CFAP57: variants seen among roughly 807,000 people sequenced by gnomAD.
The protein encoded by CFAP57 is cilia and flagella associated protein 57.
Under a neutral mutation model 146.8 loss-of-function variants are expected in CFAP57, and 116 were observed. The observed-to-expected ratio is 0.79, with a 90% CI of 0.68 to 0.92. CFAP57 has a LOEUF of 0.92. CFAP57 is among the 40% of genes least tolerant of loss of function. The pLI is 0.00. For synonymous variants in CFAP57, 518 were observed against 552.8 expected (o/e 0.94, Z 0.88); for missense variants, 1,377 against 1,527.2 (o/e 0.90, Z 1.64).
chr1:43,175,599 C>G (rs765405172), intron 2 of CFAP57, among the ~76,000 whole-genome samples: 3 of 152,042 alleles, frequency 2.0e-5, no homozygotes, highest in Non-Finnish European at 4.4e-5. Context: ...CAGTCTCAAA[C>G]TCCTGGGCTC....
intron 9 of CFAP57, among the ~76,000 whole-genome samples, chr1:43,203,710 T>C (rs4430376): frequency 1 from 151,947 of 152,298 alleles, 75,799 homozygotes; most frequent in Middle Eastern, 1. Context: ...CCACCTGCCT[T>C]GGCCTCCCAA....
chr1:43,181,384 C>T, intron 2 of CFAP57, 150 bp from the exon 3 acceptor site: 1 of 949,174 alleles, frequency 1.1e-6, no homozygotes, highest in Non-Finnish European at 1.6e-6. Context: ...TAGTCATTTT[C>T]ATAATACCCA....
chr1:43,234,690 G>A, intron 21 of CFAP57, 52 bp downstream of exon 21: 4 of 1,516,598 alleles, frequency 2.6e-6, no homozygotes, highest in African/African-American at 1.4e-5. Context: ...TCCAAGATGA[G>A]AGATCCCATC....
chr1:43,243,703 T>C (rs1404419677), intron 22 of CFAP57, among the ~76,000 whole-genome samples: 1 of 152,224 alleles, frequency 6.6e-6, no homozygotes, highest in African/African-American at 2.4e-5. Context: ...TGTAGTGACA[T>C]ATGAATATTC....
intron 6 of CFAP57, among the ~76,000 whole-genome samples, chr1:43,188,999 T>A (rs1643331117): frequency 6.6e-6 from 1 of 152,232 alleles, no homozygotes; most frequent in Non-Finnish European, 1.5e-5. Context: ...CAGCATCATT[T>A]GTTGAAAAGG....
At chr1:43,236,617 A>AAAAAG (rs1645707138) in intron 21 of CFAP57, among the ~76,000 whole-genome samples, 1 of 148,418 alleles carries the variant, frequency 6.7e-6, no homozygotes, top group East Asian at 2.0e-4. Flanking sequence ...AAAAAAAAAA[A>AAAAAG]GGCAATTTCC....
At chr1:43,207,021 G>A in intron 10 of CFAP57, 89 bp downstream of exon 10, 3 of 1,350,428 alleles carry the variant, frequency 2.2e-6, no homozygotes, top group Admixed American at 3.5e-5. Context: ...TGCACGGAAT[G>A]AGGGCCTCTG....
At chr1:43,225,317 T>C (rs1570232258) in intron 17 of CFAP57, among the ~76,000 whole-genome samples, 2 of 152,310 alleles carry the variant, frequency 1.3e-5, no homozygotes, top group Non-Finnish European at 2.9e-5. Context: ...GCACGCTCTT[T>C]CTGTAAAGAC....
chr1:43,212,904 C>CT (rs1644675802), intron 11 of CFAP57, among the ~76,000 whole-genome samples: 1 of 137,762 alleles, frequency 7.3e-6, no homozygotes, highest in South Asian at 2.3e-4. Flanking sequence ...CCACTGCACT[C>CT]TTAGCCTGGG....
chr1:43,212,381 T>C (rs1342716802), intron 11 of CFAP57, among the ~76,000 whole-genome samples: 1 of 152,216 alleles, frequency 6.6e-6, no homozygotes, highest in African/African-American at 2.4e-5. Flanking sequence ...TATGGAATTA[T>C]ACTGTATGTG....
chr1:43,191,964 T>A (rs1415224522), intron 6 of CFAP57, among the ~76,000 whole-genome samples: 2 of 152,264 alleles, frequency 1.3e-5, no homozygotes, highest in East Asian at 3.9e-4. Context: ...TCAAATATTT[T>A]GGAATTTCTC....
intron 19 of CFAP57, among the ~76,000 whole-genome samples, chr1:43,233,336 A>G (rs1645549714): frequency 6.6e-6 from 1 of 152,210 alleles, no homozygotes; most frequent in African/African-American, 2.4e-5. Context: ...TAAAAATACA[A>G]AAATTAGCCA....
At position 43,234,261 on chromosome 1, in the gene CFAP57, A is replaced by G; in HGVS notation, c.3127-18A>G. 1.3e-6 allele frequency: 2 copies of G among 1,538,436 alleles called. No homozygotes were observed. Among genetic ancestry groups the G allele is most frequent in the South Asian group, 2.4e-5 (2 of 82,644 alleles). Reference sequence around the variant, plus strand: ...GAGAGCACCCTACAGCACCAGAAGGAAACGTCTCTGATTGCAGGAGCGAGA... The same window carrying G: ...GAGAGCACCCTACAGCACCAGAAGGGAACGTCTCTGATTGCAGGAGCGAGA... On this transcript the variant is annotated intron_variant, in intron 19 of 22. Coordinates refer to ENST00000372492, the MANE Select transcript of CFAP57 (RefSeq NM_001378189.1).
At chr1:43,195,367 C>A (rs940914673) in intron 6 of CFAP57, among the ~76,000 whole-genome samples, 6 of 151,868 alleles carry the variant, frequency 4.0e-5, no homozygotes, top group African/African-American at 9.7e-5. Flanking sequence ...ACTAAAAATA[C>A]AAAAATTAGC....
intron 1 of CFAP57, 110 bp downstream of exon 1, chr1:43,172,563 G>GGGGGAGGGGAAC: frequency 1.3e-6 from 1 of 769,794 alleles, no homozygotes; most frequent in Non-Finnish European, 2.0e-6. Flanking sequence ...GGAGGACCCC[G>GGGGGAGGGGAAC]GGGGAGGGGA....
chr1:43,253,979 C>G lies in CFAP57; in HGVS notation c.3541C>G (p.Pro1181Ala). The G allele has an allele frequency of 1.3e-6, 2 of 1,550,438 alleles. No homozygotes were observed. The highest frequency in any genetic ancestry group is 1.7e-6 in the Non-Finnish European group (2 of 1,146,928). ...ATGAGTCCTGTTGTCTCTTACAGAA[C>G]CCAGCAGGGACATGCTCAGCACAGC... ...VRPQEVSETEPSRDMLSTAPT... is the reference protein window; with the variant it reads ...VRPQEVSETEASRDMLSTAPT... Residue 1181 changes from proline to alanine, a missense_variant and splice_region_variant, in exon 23 of 23, where the codon CCC (proline) becomes GCC (alanine). Coordinates refer to ENST00000372492, the MANE Select transcript of CFAP57 (RefSeq NM_001378189.1).
chr1:43,237,396 G>C (rs956075171), intron 21 of CFAP57, among the ~76,000 whole-genome samples: 1 of 152,182 alleles, frequency 6.6e-6, no homozygotes, highest in Non-Finnish European at 1.5e-5. Context: ...AGGGCTTCTT[G>C]TACAGCAAGC....
At chr1:43,228,104 G>C (rs913429171) in intron 18 of CFAP57, among the ~76,000 whole-genome samples, 2 of 152,128 alleles carry the variant, frequency 1.3e-5, no homozygotes, top group African/African-American at 4.8e-5. Context: ...CTCCCCAGTG[G>C]GGTCCCATCC....
intron 2 of CFAP57, among the ~76,000 whole-genome samples, chr1:43,176,796 G>A (rs1411637788): frequency 6.6e-6 from 1 of 152,222 alleles, no homozygotes; most frequent in Non-Finnish European, 1.5e-5. Flanking sequence ...GGAGGCTGGG[G>A]AGGGCTCACT....
Sources: allele counts gnomAD v4.1 joint callset (sites outside exome capture counted in the v4.1 genomes callset), GRCh38; gene constraint gnomAD v4.1.1; transcripts MANE v1.5; gene names NCBI Gene and HGNC (gene_info 2026-07-23, HGNC 2026-07-21).